Variants in RORA observed in about 807,000 individuals in gnomAD.
The protein encoded by RORA is RAR related orphan receptor A, also known as nuclear receptor ROR-alpha.
RORA carries 7 observed loss-of-function variants against 69.5 expected under a neutral mutation model. The ratio of observed to expected loss-of-function variants is 0.10; its 90% CI spans 0.06 to 0.19. The LOEUF is 0.19. Among genes scored for constraint, RORA ranks in the 10% least tolerant of loss-of-function variants. RORA has a pLI of 1.00. For synonymous variants in RORA, 261 were observed against 240.8 expected (o/e 1.08, Z -0.78); for missense variants, 457 against 663.0 (o/e 0.69, Z 3.41).
At chr15:60,652,638 A>AT (rs1405906677) in intron 2 of RORA, among the ~76,000 whole-genome samples, 1 of 152,188 alleles carries the variant, frequency 6.6e-6, no homozygotes, top group East Asian at 1.9e-4. Context: ...TTGGCATCAT[A>AT]TTTTTTCATT....
chr15:60,654,810 C>T (rs569054772), intron 2 of RORA, among the ~76,000 whole-genome samples: 6 of 152,200 alleles, frequency 3.9e-5, no homozygotes, highest in African/African-American at 1.4e-4. Flanking sequence ...AGGAAGGAGC[C>T]ATGAGACAAG....
chr15:61,015,992 G>A (rs1419131188), intron 1 of RORA, among the ~76,000 whole-genome samples: 3 of 152,206 alleles, frequency 2.0e-5, no homozygotes, highest in Admixed American at 6.5e-5. Context: ...GAGGGCTTGA[G>A]TCATGATATC....
At chr15:60,838,843 AACAC>A (rs58762022) in intron 1 of RORA, among the ~76,000 whole-genome samples, 4,590 of 122,046 alleles carry the variant, frequency 0.038, 94 homozygotes, top group Middle Eastern at 0.073. Flanking sequence ...ACATTCATTC[AACAC>A]ACACACACAC....
Position 61,003,337 on chromosome 15 carries a change from T to C in RORA, c.166+225716A>G, listed in dbSNP as rs117209663. On this transcript the variant is annotated intron_variant, in intron 1 of 10. Transcript: ENST00000335670. ...TGAAGAGACTATGTAATCTGCTGATTTAGTGATTTGAAATCTGGGGATTCC... is the reference window on the plus strand; with the variant it reads ...TGAAGAGACTATGTAATCTGCTGATCTAGTGATTTGAAATCTGGGGATTCC... Among the ~76,000 whole-genome samples, 39 of 152,316 alleles carry C rather than the reference T, an allele frequency of 2.6e-4. No individual in the cohort carries two copies. In the East Asian group the frequency reaches 6.4e-3, roughly 25 times the overall value.
At chr15:61,067,967 G>A (rs958807663) in intron 1 of RORA, among the ~76,000 whole-genome samples, 2 of 152,088 alleles carry the variant, frequency 1.3e-5, no homozygotes, top group African/African-American at 4.8e-5. Context: ...ATGGCCAGAG[G>A]GTCAGAGATA....
intron 1 of RORA, among the ~76,000 whole-genome samples, chr15:61,096,946 G>A (rs541198594): frequency 1.1e-4 from 16 of 152,256 alleles, no homozygotes; most frequent in Admixed American, 5.2e-4. Flanking sequence ...ACTGGGCATC[G>A]CCCATGTAGA....
chr15:60,896,751 T>TTGGGG (rs1891241823), intron 1 of RORA, among the ~76,000 whole-genome samples: 1 of 126,730 alleles, frequency 7.9e-6, no homozygotes, highest in Admixed American at 7.7e-5. Context: ...TTTTTTTTTT[T>TTGGGG]GGCTGCATAG....
chr15:60,502,976 G>C (rs17270167), intron 7 of RORA, 109 bp from the exon 8 acceptor site: 89,046 of 798,550 alleles, frequency 0.11, 5,906 homozygotes, highest in Middle Eastern at 0.2. Context: ...GGTGGGTGTC[G>C]TGTGCAGTTT....
At chr15:61,052,806 G>A (rs1354324739) in intron 1 of RORA, among the ~76,000 whole-genome samples, 6 of 152,164 alleles carry the variant, frequency 3.9e-5, no homozygotes, top group African/African-American at 1.2e-4. Flanking sequence ...GAAGAAAGAC[G>A]CGAAGATGAA....
At chr15:60,541,343 A>T (rs1242302032) in intron 2 of RORA, among the ~76,000 whole-genome samples, 2 of 152,186 alleles carry the variant, frequency 1.3e-5, no homozygotes, top group African/African-American at 4.8e-5. Flanking sequence ...CTCTTTTGTA[A>T]TGCTTTTCTA....
rs946081564 is a variant in RORA at position 60,834,899 on chromosome 15, A to AT, written c.167-156214dup. Among the ~76,000 whole-genome samples the AT allele has an allele frequency of 1.1e-4, 17 of 149,562 alleles. No individual in the cohort carries two copies. The East Asian group carries it at 1.4e-3, about 12-fold the overall frequency. ...CCTTCAGGACCCTCATCTTCGCAGGATTTTTTTTTTCCCTCCAAAAAAAAA... is the reference window on the plus strand; with the variant it reads ...CCTTCAGGACCCTCATCTTCGCAGGATTTTTTTTTTTCCCTCCAAAAAAAAA... On this transcript the variant is annotated intron_variant, in intron 1 of 10. Coordinates refer to ENST00000335670, the MANE Select transcript of RORA (RefSeq NM_134261.3).
chr15:61,173,646 A>G (rs540317065), intron 1 of RORA, among the ~76,000 whole-genome samples: 1 of 152,312 alleles, frequency 6.6e-6, no homozygotes, highest in African/African-American at 2.4e-5. Context: ...ATACGGAATG[A>G]CATTCAAGCC....
intron 2 of RORA, among the ~76,000 whole-genome samples, chr15:60,550,920 C>T (rs564434507): frequency 3.2e-4 from 49 of 152,276 alleles, no homozygotes; most frequent in Non-Finnish European, 6.0e-4. Context: ...TTTTGCTGCT[C>T]CTTCTGCTAA....
intron 1 of RORA, among the ~76,000 whole-genome samples, chr15:60,759,809 G>T (rs1401867821): frequency 6.6e-6 from 1 of 152,084 alleles, no homozygotes. Context: ...AAGATATGAT[G>T]GAATGGAAAG....
intron 2 of RORA, among the ~76,000 whole-genome samples, chr15:60,578,327 C>G (rs918771391): frequency 1.3e-5 from 2 of 152,154 alleles, no homozygotes; most frequent in African/African-American, 4.8e-5. Flanking sequence ...ATTAATATCA[C>G]TACCCATACC....
At chr15:60,553,955 C>T (rs2067290581) in intron 2 of RORA, among the ~76,000 whole-genome samples, 1 of 152,176 alleles carries the variant, frequency 6.6e-6, no homozygotes, top group South Asian at 2.1e-4. Context: ...GGGGTATTCA[C>T]TTAATTTCTG....
intron 1 of RORA, among the ~76,000 whole-genome samples, chr15:60,722,728 T>A (rs2071309543): frequency 6.6e-6 from 1 of 152,182 alleles, no homozygotes; most frequent in African/African-American, 2.4e-5. Context: ...GCCAGTCTTG[T>A]CCTGTAGTCA....
intron 1 of RORA, among the ~76,000 whole-genome samples, chr15:60,881,900 T>G (rs1033613212): frequency 6.6e-6 from 1 of 152,242 alleles, no homozygotes; most frequent in African/African-American, 2.4e-5. Context: ...AAGAACCCAT[T>G]CAATAATTCA....
chr15:61,184,520 A>G (rs759730035), intron 1 of RORA, among the ~76,000 whole-genome samples: 7 of 152,158 alleles, frequency 4.6e-5, no homozygotes, highest in Non-Finnish European at 8.8e-5. Context: ...CTGTTTCGGT[A>G]GTTGTAACAC....
Sources: allele counts gnomAD v4.1 joint callset (sites outside exome capture counted in the v4.1 genomes callset), GRCh38; gene constraint gnomAD v4.1.1; transcripts MANE v1.5; gene names NCBI Gene and HGNC (gene_info 2026-07-23, HGNC 2026-07-21).